ZNF540: variants seen among roughly 807,000 people sequenced by gnomAD.
ZNF540 encodes zinc finger protein 540.
In ZNF540, 3 loss-of-function variants were observed where a neutral mutation model predicts 11.8. The observed-to-expected ratio is 0.25, with a 90% CI of 0.12 to 0.65. The LOEUF (loss-of-function observed/expected upper bound fraction) is 0.65. Ranked by LOEUF, ZNF540 falls within the 30% of genes least tolerant of loss-of-function variation. The probability of loss-of-function intolerance (pLI) is 0.83; values close to 1 mark genes in which losing one functional copy is unlikely to be tolerated. For synonymous variants in ZNF540, 247 were observed against 259.0 expected, an observed-to-expected ratio of 0.95 and a Z score of 0.45; for missense variants, 709 against 793.1, an observed-to-expected ratio of 0.89 and a Z score of 1.27.
At chr19:37,593,275 G>A (rs2043920920), upstream of ZNF540, among the ~76,000 whole-genome samples, 1 of 152,144 alleles carries the variant, frequency 6.6e-6, no homozygotes, top group South Asian at 2.1e-4. Context: ...ATTTACAAAT[G>A]TTTTTAATTA....
Position 37,571,066 on chromosome 19 carries a change from A to G in ZNF540, c.-73+19401A>G, listed in dbSNP as rs117983523. ...TTTGTTCATACTAAACAGACTTAGA[A>G]TCACTCATTGTGTATTCATCTGTAG... On this transcript the variant is annotated intron_variant, in intron 1 of 4. Transcript: ENST00000592533. Among the ~76,000 whole-genome samples the G allele has an allele frequency of 6.7e-3, 1,024 of 152,350 alleles. 32 individuals carry two copies. The highest frequency in any genetic ancestry group is 0.051 in the East Asian group (262 of 5,184).
upstream of ZNF540, chr19:37,594,213 C>T (rs2043949332): frequency 6.6e-6 from 1 of 152,274 alleles, no homozygotes; most frequent in Non-Finnish European, 1.5e-5. Flanking sequence ...CAAAAAGAGC[C>T]TCTTACTCTG....
At chr19:37,551,380 G>A (rs2042602908), upstream of ZNF540, 1 of 152,272 alleles carries the variant, frequency 6.6e-6, no homozygotes, top group South Asian at 2.1e-4. Flanking sequence ...TCGCGTCACA[G>A]TGACAGCCAC....
At chr19:37,605,034 A>C (rs1462638023) in intron 4 of ZNF540, among the ~76,000 whole-genome samples, 4 of 152,246 alleles carry the variant, frequency 2.6e-5, no homozygotes, top group African/African-American at 2.4e-5. Flanking sequence ...ATGAACATCT[A>C]AGTTGTTTCT....
chr19:37,571,592 A>C (rs1440568158), intron 1 of ZNF540, among the ~76,000 whole-genome samples: 2 of 152,182 alleles, frequency 1.3e-5, no homozygotes, highest in African/African-American at 4.8e-5. Flanking sequence ...ACTTAGACTT[A>C]AGATTTTTCA....
Position 37,613,625 on chromosome 19 carries a change from G to A in ZNF540, c.*362G>A. ...ATGTATAATACAGCAACAACTATCTGGCCCAAACTGCTTTGGATTAATATT... is the reference window on the plus strand; with the variant it reads ...ATGTATAATACAGCAACAACTATCTAGCCCAAACTGCTTTGGATTAATATT... On this transcript the variant is annotated 3_prime_UTR_variant, in exon 5 of 5. Transcript: ENST00000316433. 2.5e-6 allele frequency: 1 copy of A among 396,124 alleles called. No individual in the cohort carries two copies. Among genetic ancestry groups the A allele is most frequent in the Non-Finnish European group, 4.4e-6 (1 of 225,224 alleles). The allele number at this position is 396,124 out of a possible 1,614,324, so 24.5% of individuals were successfully genotyped here. A position where few individuals can be genotyped will look rare whatever the true frequency, so the allele number is the denominator to read the frequency against.
intron 1 of ZNF540, among the ~76,000 whole-genome samples, chr19:37,556,750 C>T (rs1221827693): frequency 6.6e-6 from 1 of 152,182 alleles, no homozygotes; most frequent in Non-Finnish European, 1.5e-5. Flanking sequence ...GGCGCCCTCC[C>T]ATACATGATT....
chr19:37,558,693 G>C (rs772233777), intron 1 of ZNF540, among the ~76,000 whole-genome samples: 40 of 152,096 alleles, frequency 2.6e-4, no homozygotes, highest in Non-Finnish European at 7.3e-5. Flanking sequence ...TCCTGCACCA[G>C]CCAGCATGTC....
intron 1 of ZNF540, among the ~76,000 whole-genome samples, chr19:37,582,475 G>A (rs1268273817): frequency 6.6e-6 from 1 of 152,116 alleles, no homozygotes; most frequent in Non-Finnish European, 1.5e-5. Flanking sequence ...AACACCCCAT[G>A]GTTCAGTCCT....
intron 4 of ZNF540, among the ~76,000 whole-genome samples, chr19:37,604,119 C>T (rs976084248): frequency 3.3e-5 from 5 of 151,734 alleles, no homozygotes; most frequent in Admixed American, 6.6e-5. Flanking sequence ...CTTTGATAGA[C>T]GTCTATGAAA....
chr19:37,554,756 G>C (rs866023188), intron 1 of ZNF540: 2 of 152,270 alleles, frequency 1.3e-5, no homozygotes, highest in Non-Finnish European at 1.5e-5. Context: ...TGTTGTACCT[G>C]AGTTAGAGAA....
chr19:37,553,227 G>A (rs970341549), intron 1 of ZNF540, among the ~76,000 whole-genome samples: 1 of 135,594 alleles, frequency 7.4e-6, no homozygotes, highest in African/African-American at 2.7e-5. Context: ...TCCACCTCCT[G>A]GGTTCAAGCG....
rs1167767539 is a variant in ZNF540, at chr19:37,612,789, C to G, written c.1509C>G (p.Thr503=). 3 of 1,613,970 alleles carry G rather than the reference C, an allele frequency of 1.9e-6. No homozygotes were observed. The East Asian group carries it at 6.7e-5, about 36-fold the overall frequency. Residue 503 remains threonine, a synonymous_variant, in exon 5 of 5, where the codon ACC becomes ACG. Transcript: ENST00000316433. ...KPYKCVRCGK[T]FRFGFYLTEH... Reference sequence around the variant, plus strand: ...ACAAATGTGTACGATGTGGGAAGACCTTTAGATTTGGTTTCTACCTTACTG... The same window carrying G: ...ACAAATGTGTACGATGTGGGAAGACGTTTAGATTTGGTTTCTACCTTACTG...
intron 1 of ZNF540, among the ~76,000 whole-genome samples, chr19:37,552,918 G>C (rs901596717): frequency 2.0e-5 from 3 of 151,960 alleles, no homozygotes; most frequent in African/African-American, 7.3e-5. Flanking sequence ...CTGCACTCCA[G>C]CCTGGGTGAC....
At chr19:37,563,579 T>C (rs2042745755) in intron 1 of ZNF540, 1 of 152,096 alleles carries the variant, frequency 6.6e-6, no homozygotes, top group African/African-American at 2.4e-5. Flanking sequence ...GTATATGGAA[T>C]ATATACATAT....
chr19:37,566,714 C>A (rs2042873595), intron 1 of ZNF540, among the ~76,000 whole-genome samples: 1 of 152,138 alleles, frequency 6.6e-6, no homozygotes, highest in Admixed American at 6.6e-5. Context: ...ATTGTCATAA[C>A]CTCTTAGCTG....
intron 1 of ZNF540, among the ~76,000 whole-genome samples, chr19:37,574,828 A>G (rs1359343859): frequency 2.6e-5 from 4 of 152,198 alleles, no homozygotes; most frequent in African/African-American, 7.2e-5. Flanking sequence ...CTAATTTCCC[A>G]GAGTAATCTC....
chr19:37,595,719 C>T (rs894526092), intron 1 of ZNF540, among the ~76,000 whole-genome samples: 1 of 152,164 alleles, frequency 6.6e-6, no homozygotes, highest in Non-Finnish European at 1.5e-5. Context: ...AACTGAGTTC[C>T]ATTTTTTATA....
rs1374953309 is a variant in ZNF540, at chr19:37,613,888, G to A, written c.*625G>A. 2.5e-6 allele frequency: 1 copy of A among 398,586 alleles called. No homozygotes were observed. Among genetic ancestry groups the A allele is most frequent in the Non-Finnish European group, 4.4e-6 (1 of 226,062 alleles). The allele number at this position is 398,586 out of a possible 1,614,324, so 24.7% of individuals were successfully genotyped here. On this transcript the variant is annotated 3_prime_UTR_variant, in exon 5 of 5. Coordinates refer to ENST00000316433, the MANE Select transcript of ZNF540 (RefSeq NM_001172225.3). ...GGCCTTTAGGAGGAAATTAGGTCAT[G>A]AGGGTGGAGCCTTCATGAGTGGAAT...
Sources: allele counts gnomAD v4.1 joint callset (sites outside exome capture counted in the v4.1 genomes callset), GRCh38; gene constraint gnomAD v4.1.1; transcripts MANE v1.5; gene names NCBI Gene and HGNC (gene_info 2026-07-23, HGNC 2026-07-21).